The following SPECC1L variants were observed in gnomAD, a reference collection of about 807,000 sequenced individuals.
The protein encoded by SPECC1L is cytospin-A.
In SPECC1L, 40 loss-of-function variants were observed where a neutral mutation model predicts 116.8. The ratio of observed to expected loss-of-function variants is 0.34; its 90% CI spans 0.27 to 0.45. The LOEUF (loss-of-function observed/expected upper bound fraction) is 0.45. Among genes scored for constraint, SPECC1L ranks in the 20% least tolerant of loss-of-function variants. The pLI is 1.00. For synonymous variants in SPECC1L, 504 were observed against 500.6 expected (o/e 1.01, Z -0.09); for missense variants, 1,110 against 1,373.6 (o/e 0.81, Z 3.03).
intron 14 of SPECC1L, among the ~76,000 whole-genome samples, chr22:24,399,455 A>G (rs1471553011): frequency 6.6e-6 from 1 of 152,162 alleles, no homozygotes. Context: ...TTGTAGTCCC[A>G]GCTGCTCAGG....
chr22:24,413,181 T>C lies in SPECC1L; in HGVS notation c.3264+474T>C, dbSNP rs112397649. Among the ~76,000 whole-genome samples the C allele has an allele frequency of 4.9e-4, 75 of 152,294 alleles. 1 individual carries two copies. Among genetic ancestry groups the C allele is most frequent in the African/African-American group, 1.5e-3 (64 of 41,554 alleles). On this transcript the variant is annotated intron_variant, in intron 16 of 16. Coordinates refer to ENST00000314328, the MANE Select transcript of SPECC1L (RefSeq NM_015330.6). The stretch of plus-strand genomic sequence containing the variant: ...TTAGAGGCTGGACCGGGGAGGCTCC[T>C]GCACTTCCTCGTGATGGTGTGGGTA...
At position 24,302,388 on chromosome 22, in the gene SPECC1L, TTCATG is replaced by T; in HGVS notation, c.153+6_153+10del. ...AACAGCAGCATCATTGTCAAAGGTA[TTCATG>T]TGATGTTTGAATACATGATGGGTTT... On this transcript the variant is annotated splice_donor_5th_base_variant and intron_variant, in intron 3 of 16. Transcript: ENST00000314328. 6.2e-7 allele frequency: 1 copy of T among 1,614,078 alleles called. No homozygotes were observed. The highest frequency in any genetic ancestry group is 1.1e-5 in the South Asian group (1 of 91,088).
chr22:24,282,753 TGTG>T (rs1395668284), intron 2 of SPECC1L, among the ~76,000 whole-genome samples: 2 of 151,996 alleles, frequency 1.3e-5, no homozygotes, highest in Admixed American at 1.3e-4. Flanking sequence ...TAGTTTACAA[TGTG>T]GTGAGTTACA....
intron 3 of SPECC1L, among the ~76,000 whole-genome samples, chr22:24,305,527 G>T (rs2049475914): frequency 6.6e-6 from 1 of 152,088 alleles, no homozygotes; most frequent in African/African-American, 2.4e-5. Context: ...TCCATGGGAT[G>T]AATATACCAC....
At chr22:24,307,289 C>A (rs182592263) in intron 3 of SPECC1L, among the ~76,000 whole-genome samples, 5 of 152,322 alleles carry the variant, frequency 3.3e-5, no homozygotes, top group Admixed American at 2.6e-4. Flanking sequence ...AATTTTTTCG[C>A]GTCCTCTGCA....
chr22:24,293,013 A>T (rs1220689332), intron 2 of SPECC1L, among the ~76,000 whole-genome samples: 1 of 152,236 alleles, frequency 6.6e-6, no homozygotes, highest in Non-Finnish European at 1.5e-5. Context: ...TGCTCCTGTA[A>T]TGCCAGCAAC....
chr22:24,403,132 G>T (rs969309780), intron 14 of SPECC1L, among the ~76,000 whole-genome samples: 3 of 152,180 alleles, frequency 2.0e-5, no homozygotes, highest in Non-Finnish European at 4.4e-5. Context: ...ACATCTCTTA[G>T]TTGACATTTC....
At chr22:24,319,048 G>A (rs1379345226) in intron 4 of SPECC1L, among the ~76,000 whole-genome samples, 1 of 151,784 alleles carries the variant, frequency 6.6e-6, no homozygotes, top group Non-Finnish European at 1.5e-5. Flanking sequence ...TCTTACTGCC[G>A]CCCCTGAATG....
At chr22:24,330,190 T>G in intron 7 of SPECC1L, 66 bp from the exon 8 acceptor site, 2 of 1,553,836 alleles carry the variant, frequency 1.3e-6, no homozygotes, top group Non-Finnish European at 1.8e-6. Flanking sequence ...ATAAACAAAT[T>G]TTATTGCTTT....
At position 24,383,942 on chromosome 22, in the gene SPECC1L, C is replaced by T. The variant is rs111517001; in HGVS notation, c.3087+14622C>T. Among the ~76,000 whole-genome samples, 5 of 151,314 alleles carry T rather than the reference C, an allele frequency of 3.3e-5. 1 individual carries two copies. Among genetic ancestry groups the T allele is most frequent in the African/African-American group, 4.9e-5 (2 of 41,174 alleles). On this transcript the variant is annotated intron_variant, in intron 14 of 16. Transcript: ENST00000314328. ...TGCTGGGATTACAGGCGTGAGCCAC[C>T]GTGCCTGGCCCAATGAAAATTTAAG...
chr22:24,397,313 T>C (rs531128394), intron 14 of SPECC1L, among the ~76,000 whole-genome samples: 3 of 152,360 alleles, frequency 2.0e-5, no homozygotes, highest in South Asian at 2.1e-4. Flanking sequence ...TCTTTCCTGA[T>C]ATCATTTCCT....
At chr22:24,323,418 A>G (rs1288032741) in intron 5 of SPECC1L, among the ~76,000 whole-genome samples, 1 of 152,196 alleles carries the variant, frequency 6.6e-6, no homozygotes, top group African/African-American at 2.4e-5. Context: ...GAGGCCTGTG[A>G]TTTATTGCTG....
In SPECC1L at chr22:24,417,342, T is replaced by C. The variant is rs1386458513; in HGVS notation, c.*2719T>C. On this transcript the variant is annotated 3_prime_UTR_variant, in exon 17 of 17. Transcript: ENST00000314328. ...CCCAGCTCCCTCCTGGGACTGGCTG[T>C]GGAGAGAAGGGCACCTCTGAGCCAG... is the stretch of plus-strand genomic sequence containing the variant. 1.3e-5 allele frequency: 2 copies of C among 152,428 alleles called. No homozygotes were observed. Among genetic ancestry groups the C allele is most frequent in the African/African-American group, 2.4e-5 (1 of 41,450 alleles). The allele number at this position is 152,428 out of a possible 1,614,324, so 9.4% of individuals were successfully genotyped here.
chr22:24,380,402 CG>C, intron 14 of SPECC1L, among the ~76,000 whole-genome samples: 1 of 152,280 alleles, frequency 6.6e-6, no homozygotes. Flanking sequence ...GAAGCTGTTA[CG>C]TGACACTTAG....
At chr22:24,299,923 C>A (rs999837024) in intron 2 of SPECC1L, among the ~76,000 whole-genome samples, 60 of 152,230 alleles carry the variant, frequency 3.9e-4, no homozygotes, top group African/African-American at 1.2e-3. Flanking sequence ...CACTTATATT[C>A]TTTTTATCTC....
At chr22:24,361,283 A>G (rs1474531612) in intron 11 of SPECC1L, among the ~76,000 whole-genome samples, 1 of 152,208 alleles carries the variant, frequency 6.6e-6, no homozygotes, top group East Asian at 1.9e-4. Flanking sequence ...CCAGCCCTTC[A>G]AGAGGCTGAG....
chr22:24,365,679 C>A, intron 13 of SPECC1L, 47 bp downstream of exon 13: 1 of 1,599,300 alleles, frequency 6.3e-7, no homozygotes, highest in Non-Finnish European at 8.6e-7. Context: ...CCTTTCCTGG[C>A]CTTTTGACAG....
At chr22:24,391,211 T>C (rs1304649212) in intron 14 of SPECC1L, among the ~76,000 whole-genome samples, 1 of 152,142 alleles carries the variant, frequency 6.6e-6, no homozygotes, top group African/African-American at 2.4e-5. Context: ...CAGAGGTTAA[T>C]TGATGGCTTT....
At chr22:24,303,931 T>C (rs982919564) in intron 3 of SPECC1L, among the ~76,000 whole-genome samples, 4 of 151,442 alleles carry the variant, frequency 2.6e-5, no homozygotes, top group Non-Finnish European at 5.9e-5. Flanking sequence ...GCAACACTTT[T>C]CCTGGAGTGG....
Sources: gnomAD v4.1 joint callset for allele counts (sites outside exome capture counted in the v4.1 genomes callset) on GRCh38, gnomAD v4.1.1 for gene constraint, MANE v1.5 for transcripts, NCBI Gene and HGNC (gene_info 2026-07-23, HGNC 2026-07-21) for gene names.